SALL1: variants seen among roughly 807,000 people sequenced by gnomAD.
SALL1 encodes spalt like transcription factor 1, also known as sal-like protein 1.
In SALL1, 10 loss-of-function variants were observed where a neutral mutation model predicts 73.1. The observed-to-expected ratio is 0.14, with a 90% CI of 0.08 to 0.23. SALL1 has a LOEUF of 0.23. Among genes scored for constraint, SALL1 ranks in the 10% least tolerant of loss-of-function variants. The pLI, the probability that SALL1 is intolerant of heterozygous loss-of-function variation, is 1.00. For missense variants in SALL1, 1,520 were observed against 1,697.3 expected, an observed-to-expected ratio of 0.90 and a Z score of 1.84; for synonymous variants, 688 against 689.8, an observed-to-expected ratio of 1.00 and a Z score of 0.04.
In SALL1 at chr16:51,139,948, A is replaced by G. The variant is rs766729692; in HGVS notation, c.2274T>C (p.Ala758=). The change falls in exon 2 of 3, where the codon GCT becomes GCC. Residue 758 remains alanine, a synonymous_variant. Transcript: ENST00000251020. Reference sequence around the variant, plus strand: ...AATGCTGGACTCTGAGCGGGGGCATAGCACGATGGACACTGTAGTGGGTTT... The same window carrying G: ...AATGCTGGACTCTGAGCGGGGGCATGGCACGATGGACACTGTAGTGGGTTT... ...NLKTHYSVHR[A]MPPLRVQHSC... The G allele has an allele frequency of 1.9e-5, 30 of 1,614,130 alleles. No homozygotes were observed. Among genetic ancestry groups the G allele is most frequent in the Non-Finnish European group, 2.4e-5 (28 of 1,180,052 alleles).
At position 51,140,281 on chromosome 16, in the gene SALL1, T is replaced by C; in HGVS notation, c.1941A>G (p.Ala647=). Residue 647 remains alanine, a synonymous_variant, in exon 2 of 3, where the codon GCA becomes GCG. Coordinates refer to ENST00000251020, the MANE Select transcript of SALL1 (RefSeq NM_002968.3). The surrounding 1 kb of genome is among the most constrained non-coding windows in gnomAD (Gnocchi z 5.7). ...ASSSVLSSPA[A]DCGPAGSATT... is the part of the protein sequence containing the mutation. ...TGGCACTGCCCGCGGGGCCGCAGTC[T>C]GCCGCTGGGGAGCTCAGGACGCTAC... 1 of 1,614,126 alleles carries C rather than the reference T, an allele frequency of 6.2e-7. No individual in the cohort carries two copies. The highest frequency in any genetic ancestry group is 8.5e-7 in the Non-Finnish European group (1 of 1,180,044).
intron 1 of SALL1, chr16:51,150,710 G>A (rs1312468156): frequency 4.0e-6 from 2 of 503,306 alleles, no homozygotes; most frequent in Non-Finnish European, 5.1e-6. Context: ...CTTCCTTACC[G>A]CTGGCAGCAA....
chr16:51,140,459 G>T lies in SALL1; in HGVS notation c.1763C>A (p.Pro588Gln). Residue 588 changes from proline (P) to glutamine (Q), a missense_variant, in exon 2 of 3, where the codon CCA (proline) becomes CAA (glutamine). Physicochemically the swap from Pro to Gln is moderately conservative, Grantham distance 76. Transcript: ENST00000251020. This position sits in a 1 kb window ranked among gnomAD's most constrained non-coding sequence, Gnocchi z 5.7. ...IPISHSATSPPGSVKSDSGGP... is the reference protein window; with the variant it reads ...IPISHSATSPQGSVKSDSGGP... ...CCCGGAGTCACTTTTGACTGAGCCT[G>T]GGGGGCTGGTGGCAGAATGGCTGAT... The T allele has an allele frequency of 6.2e-7, 1 of 1,613,706 alleles. No homozygotes were observed. Among genetic ancestry groups the T allele is most frequent in the South Asian group, 1.1e-5 (1 of 91,060 alleles).
chr16:51,151,805 C>G (rs1962618129), upstream of SALL1, among the ~76,000 whole-genome samples: 1 of 151,384 alleles, frequency 6.6e-6, no homozygotes, highest in Admixed American at 6.6e-5. Context: ...CGGAATTGAG[C>G]CGCCCCGGGT....
intron 1 of SALL1, 33 bp downstream of exon 1, chr16:51,151,133 G>A: frequency 6.5e-7 from 1 of 1,543,860 alleles, no homozygotes; most frequent in Admixed American, 1.8e-5. Flanking sequence ...GAGTGCGTGT[G>A]TGTGTGTCCA....
intron 1 of SALL1, among the ~76,000 whole-genome samples, chr16:51,148,219 GCA>G (rs1257286811): frequency 1.3e-5 from 2 of 151,808 alleles, no homozygotes; most frequent in African/African-American, 4.8e-5. Context: ...TTCTTTGTAA[GCA>G]CACACACACT....
chr16:51,141,034 G>C lies in SALL1; in HGVS notation c.1188C>G (p.Ala396=), dbSNP rs1414638160. 6.2e-7 allele frequency: 1 copy of C among 1,614,236 alleles called. No homozygotes were observed. The highest frequency in any genetic ancestry group is 8.5e-7 in the Non-Finnish European group (1 of 1,180,056). ...GGCTGGGGAAAACCGAGTTAGCGGA[G>C]GCTTGCTGAGGTAGAAGTGGATTAG... The part of the protein sequence containing the change: ...PASNPLLPQQ[A]SANSVFPSPL... Residue 396 remains alanine, a synonymous_variant, in exon 2 of 3, where the codon GCC becomes GCG. Transcript: ENST00000251020. This position sits in a 1 kb window ranked among gnomAD's most constrained non-coding sequence, Gnocchi z 5.4.
At chr16:51,150,882 G>A (rs1221626123) in intron 1 of SALL1, 7 of 346,622 alleles carry the variant, frequency 2.0e-5, no homozygotes, top group Non-Finnish European at 3.1e-5. Flanking sequence ...GGACGGAGAA[G>A]CCAGGCCGGC....
intron 2 of SALL1, 77 bp downstream of exon 2, chr16:51,138,611 G>A (rs906964957): frequency 1.3e-6 from 2 of 1,529,948 alleles, no homozygotes; most frequent in African/African-American, 2.7e-5. Flanking sequence ...GATGACTCTG[G>A]GGGCATGCAT....
intron 2 of SALL1, among the ~76,000 whole-genome samples, 156 bp from the exon 3 acceptor site, chr16:51,137,708 G>C (rs1962339530): frequency 6.6e-6 from 1 of 152,210 alleles, no homozygotes; most frequent in African/African-American, 2.4e-5. Context: ...GTGACAGACA[G>C]TGAAGGCAAC....
At chr16:51,147,979 T>C (rs1962544010) in intron 1 of SALL1, among the ~76,000 whole-genome samples, 1 of 152,224 alleles carries the variant, frequency 6.6e-6, no homozygotes, top group African/African-American at 2.4e-5. Flanking sequence ...TCAAGACTTG[T>C]TGAATATCAT....
chr16:51,138,311 G>C (rs762657258), intron 2 of SALL1, among the ~76,000 whole-genome samples: 4 of 151,950 alleles, frequency 2.6e-5, no homozygotes, highest in African/African-American at 4.8e-5. Flanking sequence ...TAAGTGATAC[G>C]GGCAGCACAC....
intron 1 of SALL1, among the ~76,000 whole-genome samples, chr16:51,147,780 A>ACACACACACACAC (rs1962539642): frequency 2.1e-5 from 3 of 146,204 alleles, no homozygotes; most frequent in Non-Finnish European, 4.5e-5. Flanking sequence ...GAAGAACTCC[A>ACACACACACACAC]ACACACACAC....
Position 51,140,585 on chromosome 16 carries a change from G to A in SALL1, c.1637C>T (p.Pro546Leu). The change falls in exon 2 of 3, where the codon CCA (proline) becomes CTA (leucine). Residue 546 changes from proline (P) to leucine (L), a missense_variant. Coordinates refer to ENST00000251020, the MANE Select transcript of SALL1 (RefSeq NM_002968.3). This position sits in a 1 kb window ranked among gnomAD's most constrained non-coding sequence, Gnocchi z 5.7. Reference sequence around the variant, plus strand: ...TGAAGTGGTCAGAGTAGGCAGGACTGGTTTGGTGTCTAGCCAGCTGGTGAC... The same window carrying A: ...TGAAGTGGTCAGAGTAGGCAGGACTAGTTTGGTGTCTAGCCAGCTGGTGAC... ...KPVTSWLDTK[P>L]VLPTLTTSVG... The A allele has an allele frequency of 1.2e-6, 2 of 1,614,056 alleles. No homozygotes were observed. The highest frequency in any genetic ancestry group is 1.7e-6 in the Non-Finnish European group (2 of 1,179,948).
chr16:51,151,528 T>A (rs969927618), upstream of SALL1, among the ~76,000 whole-genome samples: 1 of 151,868 alleles, frequency 6.6e-6, no homozygotes, highest in Admixed American at 6.6e-5. Flanking sequence ...CGTGATTTGC[T>A]GCAGACCCCT....
At position 51,140,720 on chromosome 16, in the gene SALL1, T is replaced by G. The variant is rs749792542; in HGVS notation, c.1502A>C (p.Glu501Ala). 6.2e-7 allele frequency: 1 copy of G among 1,614,192 alleles called. No individual in the cohort carries two copies. Among genetic ancestry groups the G allele is most frequent in the South Asian group, 1.1e-5 (1 of 91,076 alleles). Residue 501 changes from glutamate (E) to alanine (A), a missense_variant, in exon 2 of 3, where the codon GAG becomes GCG. Glu to Ala is a moderately radical substitution (Grantham distance 107). Coordinates refer to ENST00000251020, the MANE Select transcript of SALL1 (RefSeq NM_002968.3). This position sits in a 1 kb window ranked among gnomAD's most constrained non-coding sequence, Gnocchi z 5.7. Reference sequence around the variant, plus strand: ...GTTCATCTGGATATGAGGGTATTTCTCTTTGTGGCGCTGAAAGTGGACTTT... The same window carrying G: ...GTTCATCTGGATATGAGGGTATTTCGCTTTGTGGCGCTGAAAGTGGACTTT... Reference protein sequence around the residue: ...NLKVHFQRHKEKYPHIQMNPY... With the variant: ...NLKVHFQRHKAKYPHIQMNPY...
upstream of SALL1, among the ~76,000 whole-genome samples, chr16:51,151,800 T>C (rs1187765684): frequency 3.3e-5 from 5 of 150,022 alleles, no homozygotes; most frequent in African/African-American, 9.8e-5. Flanking sequence ...CTCCCCGGAA[T>C]TGAGCCGCCC....
intron 1 of SALL1, among the ~76,000 whole-genome samples, chr16:51,144,282 T>C (rs1962485339): frequency 6.6e-6 from 1 of 152,186 alleles, no homozygotes; most frequent in Non-Finnish European, 1.5e-5. Context: ...TCCATCTACT[T>C]TTACAGCCAA....
At chr16:51,143,465 C>A in intron 1 of SALL1, 1 of 227,194 alleles carries the variant, frequency 4.4e-6, no homozygotes, top group Admixed American at 5.1e-5. Context: ...GCATGCTTTT[C>A]TGCAGAACTG....
Sources: gnomAD v4.1 joint callset for allele counts (sites outside exome capture counted in the v4.1 genomes callset) on GRCh38, gnomAD v4.1.1 for gene constraint, Gnocchi (gnomAD v3.1) non-coding constraint, MANE v1.5 for transcripts, NCBI Gene and HGNC (gene_info 2026-07-23, HGNC 2026-07-21) for gene names.